Variants in CCDC62 observed in about 807,000 individuals in gnomAD.
CCDC62 encodes the protein coiled-coil domain-containing protein 62.
CCDC62 carries 72 observed loss-of-function variants against 80.8 expected under a neutral mutation model. The observed-to-expected ratio is 0.89, with a 90% confidence interval of 0.74 to 1.08. CCDC62 has a LOEUF of 1.08. CCDC62 is among the 50% of genes least tolerant of loss of function. The probability of loss-of-function intolerance (pLI) is 0.00; values close to 1 mark genes in which losing one functional copy is unlikely to be tolerated. For missense variants in CCDC62, 704 were observed against 809.4 expected, an observed-to-expected ratio of 0.87 and a Z score of 1.58; for synonymous variants, 286 against 296.5, an observed-to-expected ratio of 0.96 and a Z score of 0.36.
At position 122,775,728 on chromosome 12, in the gene CCDC62, T is replaced by TC. The variant is rs1414824389; in HGVS notation, c.36+1023dup. ...CCCGAGTTCAAGCAATCCTCCCGCC[T>TC]CAGCCTCCCAAATAGCTGGGACTAC... On this transcript the variant is annotated intron_variant, in intron 1 of 12. Coordinates refer to ENST00000253079, the MANE Select transcript of CCDC62 (RefSeq NM_201435.5). 2.6e-5 allele frequency among the ~76,000 whole-genome samples: 4 copies of TC among 152,172 alleles called. 1 individual carries two copies. The highest frequency in any genetic ancestry group is 4.8e-5 in the African/African-American group (2 of 41,450).
intron 1 of CCDC62, among the ~76,000 whole-genome samples, 159 bp downstream of exon 1, chr12:122,774,865 G>A (rs1176436911): frequency 1.3e-5 from 2 of 151,844 alleles, no homozygotes; most frequent in Admixed American, 6.6e-5. Context: ...GGAGGCGGGC[G>A]GATCACGAGG....
intron 9 of CCDC62, among the ~76,000 whole-genome samples, chr12:122,805,373 G>A (rs2031545077): frequency 8.1e-6 from 1 of 122,824 alleles, no homozygotes; most frequent in Non-Finnish European, 1.6e-5. Context: ...GAGACAGAGT[G>A]TCTCTCTGTC....
intron 9 of CCDC62, among the ~76,000 whole-genome samples, chr12:122,802,927 G>C (rs1474986812): frequency 6.6e-6 from 1 of 152,148 alleles, no homozygotes; most frequent in Non-Finnish European, 1.5e-5. Context: ...CTACTTGGGA[G>C]GCTGAGGTGG....
chr12:122,776,659 A>T (rs1036189478), intron 1 of CCDC62: 10 of 152,306 alleles, frequency 6.6e-5, no homozygotes, highest in South Asian at 2.1e-4. Context: ...CCCTTAATAG[A>T]TTGAGTATGT....
chr12:122,819,663 A>G (rs2032318186), intron 11 of CCDC62, among the ~76,000 whole-genome samples: 1 of 152,230 alleles, frequency 6.6e-6, no homozygotes, highest in Non-Finnish European at 1.5e-5. Context: ...GAGCAGACAT[A>G]GAACAGAATG....
At chr12:122,812,920 G>A (rs1566086897) in intron 10 of CCDC62, among the ~76,000 whole-genome samples, 1 of 151,982 alleles carries the variant, frequency 6.6e-6, no homozygotes, top group Non-Finnish European at 1.5e-5. Context: ...ACAGGTGATC[G>A]GGTGTAGTGG....
chr12:122,781,207 G>C lies in CCDC62; in HGVS notation c.273G>C (p.Lys91Asn). 1 of 1,613,994 alleles carries C rather than the reference G, an allele frequency of 6.2e-7. No individual in the cohort carries two copies. The highest frequency in any genetic ancestry group is 8.5e-7 in the Non-Finnish European group (1 of 1,179,906). ...CTGAAATAATCAGGTCACTCACGAA[G>C]AAGGTAAAAGCTCTTGAATCCAATC... ...KRTEIIRSLT[K>N]KVKALESNQM... The change falls in exon 3 of 13, where the codon AAG (lysine) becomes AAC (asparagine). Residue 91 changes from lysine to asparagine, a missense_variant. By Grantham distance (94) the Lys-to-Asn change is moderately conservative (BLOSUM62 0). Transcript: ENST00000253079.
In CCDC62 at chr12:122,813,313, G is replaced by A; in HGVS notation, c.1895G>A (p.Ser632Asn). 6.2e-7 allele frequency: 1 copy of A among 1,613,656 alleles called. No homozygotes were observed. Among genetic ancestry groups the A allele is most frequent in the Non-Finnish European group, 8.5e-7 (1 of 1,179,786 alleles). Residue 632 changes from serine to asparagine, a missense_variant, in exon 11 of 13, where the codon AGC (serine) becomes AAC (asparagine). Ser to Asn is a conservative substitution (Grantham distance 46). Coordinates refer to ENST00000253079, the MANE Select transcript of CCDC62 (RefSeq NM_201435.5). ...TCCCAGGATGATTTCTCGCCCACGAGCAAGCTCCAGCGTTTGCTGGCGGAA... is the reference window on the plus strand; with the variant it reads ...TCCCAGGATGATTTCTCGCCCACGAACAAGCTCCAGCGTTTGCTGGCGGAA... ...LPSQDDFSPT[S>N]KLQRLLAESR...
intron 5 of CCDC62, 26 bp from the exon 6 acceptor site, chr12:122,791,994 G>A (rs546292554): frequency 2.0e-6 from 3 of 1,498,950 alleles, no homozygotes; most frequent in Non-Finnish European, 2.8e-6. Context: ...TTTATTTGAG[G>A]ACTTTCTTTT....
chr12:122,827,274 C>A lies in CCDC62; in HGVS notation c.*893C>A, dbSNP rs2032672285. On this transcript the variant is annotated 3_prime_UTR_variant, in exon 13 of 13. Transcript: ENST00000253079. ...TAAAATAAGGAAGGAACGTTCATCA[C>A]TTTAAACTGAACCTGGCAAGTTAAT... 6.6e-6 allele frequency: 1 copy of A among 152,148 alleles called. No individual in the cohort carries two copies. Among genetic ancestry groups the A allele is most frequent in the Admixed American group, 6.5e-5 (1 of 15,268 alleles). 9.4% of individuals were successfully genotyped at this position (152,148 alleles called of 1,614,324 possible). A position where few individuals can be genotyped will look rare whatever the true frequency, so the allele number is the denominator to read the frequency against.
chr12:122,810,084 A>T (rs1187637493), intron 10 of CCDC62, among the ~76,000 whole-genome samples: 2 of 152,006 alleles, frequency 1.3e-5, no homozygotes, highest in African/African-American at 4.8e-5. Flanking sequence ...AAACCTAGGC[A>T]ATACCATTCA....
At chr12:122,785,872 C>A in intron 4 of CCDC62, 52 bp downstream of exon 4, 1 of 1,191,318 alleles carries the variant, frequency 8.4e-7, no homozygotes, top group Non-Finnish European at 1.3e-6. Context: ...GTAGTTATAT[C>A]CATATTCATT....
chr12:122,777,530 C>T lies in CCDC62; in HGVS notation c.76C>T (p.Gln26Ter). The T allele has an allele frequency of 6.2e-7, 1 of 1,613,906 alleles. No individual in the cohort carries two copies. Among genetic ancestry groups the T allele is most frequent in the Admixed American group, 1.7e-5 (1 of 59,978 alleles). Reference protein sequence around the residue: ...SEVEISTIEKQRKELQLLIGE... With the variant: ...SEVEISTIEK ...AGTTGAGATTTCCACTATCGAGAAACAACGGAAGGAGCTGCAGTTGCTCAT... is the reference window on the plus strand; with the variant it reads ...AGTTGAGATTTCCACTATCGAGAAATAACGGAAGGAGCTGCAGTTGCTCAT... The change falls in exon 2 of 13, where the codon CAA becomes TAA. Residue 26 changes from glutamine to a stop codon, truncating the protein, a stop_gained. Transcript: ENST00000253079. LOFTEE classifies it high-confidence loss of function.
intron 11 of CCDC62, among the ~76,000 whole-genome samples, chr12:122,816,480 C>G (rs1335154161): frequency 6.6e-6 from 1 of 152,178 alleles, no homozygotes; most frequent in Non-Finnish European, 1.5e-5. Context: ...AATCCCAGCA[C>G]TTTGGGAGGC....
chr12:122,820,983 G>C (rs1356423797), intron 11 of CCDC62, among the ~76,000 whole-genome samples: 1 of 152,156 alleles, frequency 6.6e-6, no homozygotes, highest in Non-Finnish European at 1.5e-5. Context: ...TGGCTGGAAT[G>C]CAGGCCACAC....
chr12:122,797,185 C>T (rs1174755858), intron 6 of CCDC62, 122 bp from the exon 7 acceptor site: 5 of 584,804 alleles, frequency 8.5e-6, no homozygotes, highest in Non-Finnish European at 1.6e-5. Flanking sequence ...GCCCATTCTG[C>T]TATTTTTAAG....
chr12:122,777,362 G>A lies in CCDC62; in HGVS notation c.37-129G>A, dbSNP rs60589503. On this transcript the variant is annotated intron_variant, in intron 1 of 12. Transcript: ENST00000253079. ...AGTATACATAATCTTTTGCTGCCAT[G>A]TTATTAAAACTTAATTGAACTACTT... 5.4e-4 allele frequency: 378 copies of A among 697,404 alleles called. No homozygotes were observed. The African/African-American group carries it at 6.1e-3, about 11-fold the overall frequency. The allele number at this position is 697,404 out of a possible 1,614,324, so 43.2% of individuals were successfully genotyped here.
At chr12:122,804,177 C>T (rs2031456968) in intron 9 of CCDC62, among the ~76,000 whole-genome samples, 1 of 152,198 alleles carries the variant, frequency 6.6e-6, no homozygotes, top group African/African-American at 2.4e-5. Flanking sequence ...GCAGCCTGTT[C>T]TCACTTCATT....
intron 9 of CCDC62, among the ~76,000 whole-genome samples, chr12:122,805,875 G>A (rs1198961845): frequency 6.6e-6 from 1 of 151,982 alleles, no homozygotes; most frequent in Non-Finnish European, 1.5e-5. Context: ...GGACAGTCCT[G>A]ATCTCCTGAC....
Sources: allele counts gnomAD v4.1 joint callset (sites outside exome capture counted in the v4.1 genomes callset), GRCh38; gene constraint gnomAD v4.1.1; transcripts MANE v1.5; gene names NCBI Gene and HGNC (gene_info 2026-07-23, HGNC 2026-07-21).